Variants in KIAA1671 observed in about 807,000 individuals in gnomAD.
KIAA1671 encodes the protein uncharacterized protein KIAA1671.
Under a neutral mutation model 131.2 loss-of-function variants are expected in KIAA1671, and 52 were observed. The observed-to-expected ratio is 0.40, with a 90% CI of 0.32 to 0.50. The LOEUF is 0.50. Ranked by LOEUF, KIAA1671 falls within the 20% of genes least tolerant of loss-of-function variation. The pLI is 0.73. For missense variants in KIAA1671, 2,360 were observed against 2,364.2 expected, an observed-to-expected ratio of 1.00 and a Z score of 0.04; for synonymous variants, 1,003 against 961.6, an observed-to-expected ratio of 1.04 and a Z score of -0.80.
intron 6 of KIAA1671, among the ~76,000 whole-genome samples, chr22:25,089,224 A>G (rs1048639623): frequency 1.3e-5 from 2 of 150,894 alleles, no homozygotes; most frequent in South Asian, 2.1e-4. Flanking sequence ...CCTGGAACCA[A>G]TCCCCCACAG....
intron 1 of KIAA1671, chr22:25,024,195 T>C (rs1925817828): frequency 1.3e-5 from 2 of 152,204 alleles, no homozygotes; most frequent in Non-Finnish European, 2.9e-5. Flanking sequence ...TGCAGTATAG[T>C]CCCTGAGGTG....
chr22:25,136,499 C>T (rs2145953413), intron 6 of KIAA1671, among the ~76,000 whole-genome samples: 1 of 152,296 alleles, frequency 6.6e-6, no homozygotes, highest in Middle Eastern at 3.4e-3. Context: ...ATCACGCAAA[C>T]AGCCCTAAAC....
chr22:25,073,880 G>A (rs1232591210), intron 6 of KIAA1671, among the ~76,000 whole-genome samples: 1 of 152,158 alleles, frequency 6.6e-6, no homozygotes, highest in Non-Finnish European at 1.5e-5. Flanking sequence ...TTTTAATAGG[G>A]ACGGGGTTTC....
In KIAA1671 at chr22:25,060,210, T is replaced by G. The variant is rs1018000965; in HGVS notation, c.4530+10846T>G. 3 of 152,378 alleles carry G rather than the reference T, an allele frequency of 2.0e-5. No homozygotes were observed. In the South Asian group the frequency reaches 6.2e-4, roughly 32 times the overall value. 9.4% of individuals were successfully genotyped at this position (152,378 alleles called of 1,614,324 possible). ...TTTATTTATTTATTTTGAGATGGAC[T>G]CTTGCTCTGTTGCCAAGGCTAGAGT... On this transcript the variant is annotated intron_variant, in intron 6 of 12. Transcript: ENST00000358431.
chr22:25,118,685 C>T (rs1365914094), intron 6 of KIAA1671, among the ~76,000 whole-genome samples: 1 of 152,098 alleles, frequency 6.6e-6, no homozygotes, highest in East Asian at 1.9e-4. Flanking sequence ...CTCCCAACAA[C>T]CCAAGAGATC....
At chr22:25,047,044 C>T (rs1731350002) in intron 5 of KIAA1671, among the ~76,000 whole-genome samples, 1 of 151,078 alleles carries the variant, frequency 6.6e-6, no homozygotes, top group South Asian at 2.1e-4. Flanking sequence ...GATCATGGCT[C>T]ACTGCGGCCT....
chr22:24,996,928 C>T (rs1468875827), intron 1 of KIAA1671, among the ~76,000 whole-genome samples: 2 of 152,148 alleles, frequency 1.3e-5, no homozygotes, highest in African/African-American at 4.8e-5. Context: ...GGTTGCAGTG[C>T]TAGATTCATC....
chr22:24,985,348 T>C (rs1220076506), intron 1 of KIAA1671, among the ~76,000 whole-genome samples: 1 of 151,822 alleles, frequency 6.6e-6, no homozygotes, highest in Non-Finnish European at 1.5e-5. Flanking sequence ...TTCTTTCTTT[T>C]TTTTTTTTCG....
intron 8 of KIAA1671, 44 bp from the exon 9 acceptor site, chr22:25,177,304 G>A (rs1208507605): frequency 3.3e-6 from 5 of 1,514,738 alleles, no homozygotes; most frequent in Admixed American, 2.1e-5. Flanking sequence ...CTCCATTGAT[G>A]GTTCCCTTGA....
chr22:25,118,817 C>T (rs569983103), intron 6 of KIAA1671, among the ~76,000 whole-genome samples: 1 of 152,276 alleles, frequency 6.6e-6, no homozygotes, highest in African/African-American at 2.4e-5. Context: ...CCTTGCCCCT[C>T]TGACCTCCTG....
intron 1 of KIAA1671, among the ~76,000 whole-genome samples, chr22:24,959,011 A>AAAGAT (rs1921874845): frequency 6.7e-6 from 1 of 148,772 alleles, no homozygotes; most frequent in African/African-American, 2.5e-5. Flanking sequence ...AAAGAAAAGA[A>AAAGAT]AAAAAATTAG....
At chr22:25,030,025 T>TA (rs1253485863) in intron 3 of KIAA1671, among the ~76,000 whole-genome samples, 4 of 152,246 alleles carry the variant, frequency 2.6e-5, no homozygotes, top group African/African-American at 9.6e-5. Context: ...AGTTGGTTAA[T>TA]ACTGATATTC....
intron 3 of KIAA1671, among the ~76,000 whole-genome samples, chr22:25,030,289 C>A (rs987192050): frequency 2.6e-4 from 40 of 152,272 alleles, no homozygotes; most frequent in Middle Eastern, 6.8e-3. Flanking sequence ...GTAATCCCAG[C>A]ACTTCGGGAG....
chr22:25,117,080 G>A (rs1407349405), intron 6 of KIAA1671, among the ~76,000 whole-genome samples: 1 of 152,152 alleles, frequency 6.6e-6, no homozygotes, highest in Admixed American at 6.5e-5. Flanking sequence ...CCACAGTTGT[G>A]ACAACCAAAA....
intron 1 of KIAA1671, among the ~76,000 whole-genome samples, chr22:24,985,003 A>G (rs1290541179): frequency 6.6e-6 from 1 of 151,440 alleles, no homozygotes; most frequent in Non-Finnish European, 1.5e-5. Flanking sequence ...TTGTTATAGT[A>G]TCCTAGGCCC....
intron 1 of KIAA1671, among the ~76,000 whole-genome samples, chr22:25,022,255 C>A (rs1925715423): frequency 6.6e-6 from 1 of 152,256 alleles, no homozygotes; most frequent in South Asian, 2.1e-4. Context: ...GCTCTCAGAT[C>A]GAATTTAAGG....
intron 6 of KIAA1671, among the ~76,000 whole-genome samples, chr22:25,157,756 A>G (rs1411575827): frequency 6.6e-6 from 1 of 151,312 alleles, no homozygotes; most frequent in African/African-American, 2.4e-5. Flanking sequence ...ACCTAAATGT[A>G]TCACACAGGC....
At chr22:25,133,841 TC>T (rs1463573952) in intron 6 of KIAA1671, among the ~76,000 whole-genome samples, 1 of 152,166 alleles carries the variant, frequency 6.6e-6, no homozygotes, top group East Asian at 1.9e-4. Flanking sequence ...AGCCACCGCA[TC>T]CTGCCCCTCC....
intron 1 of KIAA1671, among the ~76,000 whole-genome samples, chr22:25,005,681 CTT>C (rs1429892483): frequency 1.3e-5 from 2 of 152,224 alleles, no homozygotes; most frequent in Admixed American, 1.3e-4. Flanking sequence ...AAAATAAACT[CTT>C]GTCAGTGATG....
Sources: allele counts gnomAD v4.1 joint callset (sites outside exome capture counted in the v4.1 genomes callset), GRCh38; gene constraint gnomAD v4.1.1; transcripts MANE v1.5; gene names NCBI Gene and HGNC (gene_info 2026-07-23, HGNC 2026-07-21).